Variants in STOX1 observed in about 807,000 individuals in gnomAD.
STOX1 encodes storkhead-box protein 1.
STOX1 carries 57 observed loss-of-function variants against 74.8 expected under a neutral mutation model. The observed-to-expected ratio is 0.76, with a 90% CI of 0.62 to 0.95. The LOEUF (loss-of-function observed/expected upper bound fraction) is 0.95. Among genes scored for constraint, STOX1 ranks in the 40% least tolerant of loss-of-function variants. STOX1 has a pLI of 0.00. For synonymous variants in STOX1, 375 were observed against 401.3 expected, an observed-to-expected ratio of 0.93 and a Z score of 0.78; for missense variants, 1,010 against 1,117.0, an observed-to-expected ratio of 0.90 and a Z score of 1.37.
chr10:68,880,159 CTTTCCTTTT>C, intron 1 of STOX1, among the ~76,000 whole-genome samples: 1 of 113,556 alleles, frequency 8.8e-6, no homozygotes, highest in African/African-American at 3.6e-5. Context: ...AGTTTTCTTT[CTTTCCTTTT>C]TTTTTTTTTT....
At chr10:68,893,865 G>A (rs1841148129), downstream of STOX1, among the ~76,000 whole-genome samples, 1 of 152,152 alleles carries the variant, frequency 6.6e-6, no homozygotes, top group Non-Finnish European at 1.5e-5. Context: ...GAGTCTGGTA[G>A]ACATTTAGCA....
At chr10:68,872,814 C>A (rs532268420) in intron 1 of STOX1, among the ~76,000 whole-genome samples, 2 of 152,122 alleles carry the variant, frequency 1.3e-5, no homozygotes, top group South Asian at 2.1e-4. Flanking sequence ...ATTCAAGCAT[C>A]CTGATTTAAA....
chr10:68,885,013 ATCCTTC>A lies in STOX1; in HGVS notation c.1218_1223del (p.Tyr406_Ser408delinsTer), dbSNP rs1168242486. 6.2e-7 allele frequency: 1 copy of A among 1,614,210 alleles called. No individual in the cohort carries two copies. ...GACATGCTGACAATCGGGCATAAGT[ATCCTTC>A]AAAAGAGGGGGTTAAGAAAAGGCAG... On this transcript the variant is annotated stop_gained and inframe_deletion, in exon 3 of 4. Transcript: ENST00000298596. LOFTEE classifies it high-confidence loss of function.
At position 68,884,837 on chromosome 10, in the gene STOX1, A is replaced by C; in HGVS notation, c.1041A>C (p.Glu347Asp). The C allele has an allele frequency of 1.2e-6, 2 of 1,614,234 alleles. No homozygotes were observed. The highest frequency in any genetic ancestry group is 1.7e-6 in the Non-Finnish European group (2 of 1,180,026). ...FPPEEWPVRDEDDLDNIPRDV... is the reference protein window; with the variant it reads ...FPPEEWPVRDDDDLDNIPRDV... ...CTGAAGAATGGCCCGTCCGAGATGAAGATGACTTGGACAATATCCCTCGAG... is the reference window on the plus strand; with the variant it reads ...CTGAAGAATGGCCCGTCCGAGATGACGATGACTTGGACAATATCCCTCGAG... Residue 347 changes from glutamate to aspartate, a missense_variant, in exon 3 of 4, where the codon GAA (glutamate) becomes GAC (aspartate). Glu to Asp is a conservative substitution (Grantham distance 45). Coordinates refer to ENST00000298596, the MANE Select transcript of STOX1 (RefSeq NM_152709.5).
intron 1 of STOX1, among the ~76,000 whole-genome samples, chr10:68,867,747 A>G (rs898236784): frequency 2.0e-5 from 3 of 152,240 alleles, no homozygotes; most frequent in Non-Finnish European, 4.4e-5. Context: ...CTGACCAGAC[A>G]GTTACAGGAA....
intron 1 of STOX1, among the ~76,000 whole-genome samples, chr10:68,849,370 T>C (rs1018607902): frequency 3.3e-5 from 5 of 152,208 alleles, no homozygotes; most frequent in African/African-American, 1.2e-4. Context: ...TGAGTGATTC[T>C]CTTAGGCCAG....
At position 68,885,549 on chromosome 10, in the gene STOX1, C is replaced by T. The variant is rs753252769; in HGVS notation, c.1753C>T (p.His585Tyr). Reference sequence around the variant, plus strand: ...TGACTTCAGAGGTCACCTCTTCAGTCACCCTCAACAGAGCATGTTGCAAAA... The same window carrying T: ...TGACTTCAGAGGTCACCTCTTCAGTTACCCTCAACAGAGCATGTTGCAAAA... ...NDDFRGHLFS[H>Y]PQQSMLQNDG... is the part of the protein sequence containing the mutation. The change falls in exon 3 of 4, where the codon CAC (histidine) becomes TAC (tyrosine). Residue 585 changes from histidine to tyrosine, a missense_variant. Coordinates refer to ENST00000298596, the MANE Select transcript of STOX1 (RefSeq NM_152709.5). The T allele has an allele frequency of 7.4e-6, 12 of 1,614,084 alleles. No individual in the cohort carries two copies. Among genetic ancestry groups the T allele is most frequent in the Non-Finnish European group, 1.0e-5 (12 of 1,180,040 alleles).
At chr10:68,889,287 A>C (rs570430719) in intron 3 of STOX1, among the ~76,000 whole-genome samples, 13 of 152,214 alleles carry the variant, frequency 8.5e-5, no homozygotes, top group Non-Finnish European at 1.9e-4. Flanking sequence ...CTAATTAAAA[A>C]GTTTTTTTGA....
intron 3 of STOX1, among the ~76,000 whole-genome samples, chr10:68,888,802 ATTTTT>A (rs35174437): frequency 0.058 from 1,848 of 31,854 alleles, 9 homozygotes; most frequent in South Asian, 0.098. Flanking sequence ...TGCCCAGCTA[ATTTTT>A]TTTTTTTTTT....
intron 1 of STOX1, among the ~76,000 whole-genome samples, chr10:68,837,579 C>T (rs1269598175): frequency 6.6e-6 from 1 of 152,226 alleles, no homozygotes; most frequent in Non-Finnish European, 1.5e-5. Flanking sequence ...TATGCATTAT[C>T]TTTCATCAAT....
At chr10:68,891,536 GCTCACGCCT>G (rs1841097075) in intron 3 of STOX1, among the ~76,000 whole-genome samples, 2 of 152,312 alleles carry the variant, frequency 1.3e-5, no homozygotes, top group East Asian at 3.9e-4. Flanking sequence ...GGACGCAGTG[GCTCACGCCT>G]GTAATCCTAG....
chr10:68,857,476 G>GTC (rs1308072772), intron 1 of STOX1, among the ~76,000 whole-genome samples: 1 of 152,044 alleles, frequency 6.6e-6, no homozygotes, highest in African/African-American at 2.4e-5. Flanking sequence ...TCCTAGGCAT[G>GTC]TCTCCAAGGT....
chr10:68,850,604 G>C (rs1719920209), intron 1 of STOX1, among the ~76,000 whole-genome samples: 1 of 152,198 alleles, frequency 6.6e-6, no homozygotes, highest in African/African-American at 2.4e-5. Flanking sequence ...ATGGATTAGG[G>C]CAATATTTCC....
chr10:68,836,226 C>T (rs1236778906), intron 1 of STOX1, among the ~76,000 whole-genome samples: 1 of 152,212 alleles, frequency 6.6e-6, no homozygotes, highest in Non-Finnish European at 1.5e-5. Flanking sequence ...GAGCTAGTTA[C>T]TTAACCTCTC....
In STOX1 at chr10:68,892,953, G is replaced by A. The variant is rs1841132485; in HGVS notation, c.*217G>A. The A allele has an allele frequency of 2.1e-6, 1 of 476,522 alleles. No homozygotes were observed. The highest frequency in any genetic ancestry group is 2.0e-5 in the African/African-American group (1 of 50,432). The allele number at this position is 476,522 out of a possible 1,614,324, so 29.5% of individuals were successfully genotyped here. A position where few individuals can be genotyped will look rare whatever the true frequency, so the allele number is the denominator to read the frequency against. On this transcript the variant is annotated 3_prime_UTR_variant, in exon 4 of 4. Coordinates refer to ENST00000298596, the MANE Select transcript of STOX1 (RefSeq NM_152709.5). ...TTATTTTACTGTGAGTTTATTGGGAGTATATAGATTATTTTCGATTAAAAA... is the reference window on the plus strand; with the variant it reads ...TTATTTTACTGTGAGTTTATTGGGAATATATAGATTATTTTCGATTAAAAA...
chr10:68,837,523 A>T (rs1363375824), intron 1 of STOX1, among the ~76,000 whole-genome samples: 1 of 152,224 alleles, frequency 6.6e-6, no homozygotes, highest in Non-Finnish European at 1.5e-5. Flanking sequence ...TTATATTTAT[A>T]ATCCTGTTTA....
chr10:68,836,415 G>A (rs1159624544), intron 1 of STOX1, among the ~76,000 whole-genome samples: 1 of 152,204 alleles, frequency 6.6e-6, no homozygotes, highest in Non-Finnish European at 1.5e-5. Context: ...CTGGATTCTT[G>A]TTCACTAGAC....
intron 3 of STOX1, among the ~76,000 whole-genome samples, chr10:68,889,017 C>T (rs1841036758): frequency 6.6e-6 from 1 of 151,740 alleles, no homozygotes; most frequent in South Asian, 2.1e-4. Context: ...GGGTTGCAGT[C>T]TGTCACCAGC....
At position 68,848,460 on chromosome 10, in the gene STOX1, T is replaced by C. The variant is rs751407113; in HGVS notation, c.310+20527T>C. On this transcript the variant is annotated intron_variant, in intron 1 of 3. Coordinates refer to ENST00000298596, the MANE Select transcript of STOX1 (RefSeq NM_152709.5). ...GCAATGCCACTGGTCAGGTTAGATA[T>C]TTAAGAAGGGGGAGGAGGGCCTTCA... is the stretch of plus-strand genomic sequence containing the variant. Among the ~76,000 whole-genome samples the C allele has an allele frequency of 1.4e-4, 22 of 152,220 alleles. 1 individual carries two copies. The highest frequency in any genetic ancestry group is 8.3e-4 in the South Asian group (4 of 4,812).
Sources: allele counts gnomAD v4.1 joint callset (sites outside exome capture counted in the v4.1 genomes callset), GRCh38; gene constraint gnomAD v4.1.1; transcripts MANE v1.5; gene names NCBI Gene and HGNC (gene_info 2026-07-23, HGNC 2026-07-21).